Variants in SLC25A48 observed in about 807,000 individuals in gnomAD.
The protein encoded by SLC25A48 is CTC-321K16.1.
In SLC25A48, 29 loss-of-function variants were observed where a neutral mutation model predicts 32.2. The observed-to-expected ratio is 0.90, with a 90% confidence interval of 0.67 to 1.23. SLC25A48 has a LOEUF of 1.23. Among genes scored for constraint, SLC25A48 ranks in the 50% most tolerant of loss-of-function variants. SLC25A48 has a pLI of 0.00. For synonymous variants in SLC25A48, 164 were observed against 172.3 expected (o/e 0.95, Z 0.38); for missense variants, 399 against 422.7 (o/e 0.94, Z 0.49).
chr5:135,821,085 G>A (rs1362206471), intron 4 of SLC25A48, among the ~76,000 whole-genome samples: 3 of 152,178 alleles, frequency 2.0e-5, no homozygotes, highest in Non-Finnish European at 2.9e-5. Context: ...TCCTGTCCCG[G>A]CACTGAGGCT....
intron 4 of SLC25A48, among the ~76,000 whole-genome samples, chr5:135,862,111 G>A (rs969562200): frequency 6.6e-6 from 1 of 152,112 alleles, no homozygotes; most frequent in African/African-American, 2.4e-5. Flanking sequence ...GCCTAACTAG[G>A]TGGCCTGTTG....
At chr5:135,802,984 G>A (rs1448094301) in intron 3 of SLC25A48, 2 of 151,292 alleles carry the variant, frequency 1.3e-5, no homozygotes, top group Non-Finnish European at 3.0e-5. Flanking sequence ...TCACAGTAGG[G>A]TACAACATTG....
intron 4 of SLC25A48, among the ~76,000 whole-genome samples, chr5:135,819,655 T>C (rs2126658687): frequency 6.6e-6 from 1 of 152,322 alleles, no homozygotes; most frequent in South Asian, 2.1e-4. Flanking sequence ...TAAATATTTG[T>C]TATCCTGACC....
chr5:135,599,850 TG>T (rs756354522), intron 1 of SLC25A48, among the ~76,000 whole-genome samples: 2 of 152,224 alleles, frequency 1.3e-5, no homozygotes, highest in Admixed American at 6.5e-5. Context: ...CTCCCAGGCT[TG>T]CCCAGGATGG....
At position 135,609,332 on chromosome 5, in the gene SLC25A48, A is replaced by G. The variant is rs535785017; in HGVS notation, c.-848-19905A>G. 35 of 152,378 alleles carry G rather than the reference A, an allele frequency of 2.3e-4. 1 individual carries two copies. The highest frequency in any genetic ancestry group is 8.2e-4 in the African/African-American group (34 of 41,580). The allele number at this position is 152,378 out of a possible 1,614,324, so 9.4% of individuals were successfully genotyped here. ...GTGGAGGGTGCCAGGAATACAACTG[A>G]CTGAGACAATCATAGCCTTGGCCCT... On this transcript the variant is annotated intron_variant, in intron 1 of 10. Coordinates refer to the SLC25A48 transcript ENST00000646290.
At chr5:135,871,233 T>A (rs947454196) in intron 4 of SLC25A48, among the ~76,000 whole-genome samples, 8 of 152,210 alleles carry the variant, frequency 5.3e-5, no homozygotes, top group Admixed American at 1.3e-4. Flanking sequence ...GTAACTGGTG[T>A]TCTATCACGT....
At chr5:135,785,387 T>C (rs1756812123) in intron 3 of SLC25A48, among the ~76,000 whole-genome samples, 1 of 151,262 alleles carries the variant, frequency 6.6e-6, no homozygotes, top group Admixed American at 6.6e-5. Flanking sequence ...GCTTGCCCTA[T>C]GGATTGTAAT....
intron 3 of SLC25A48, among the ~76,000 whole-genome samples, chr5:135,785,558 G>A (rs974498251): frequency 5.9e-5 from 9 of 151,266 alleles, no homozygotes; most frequent in African/African-American, 1.9e-4. Context: ...ATATCCAGGG[G>A]GGGAGAGGGT....
At chr5:135,713,090 A>G (rs931067413) in intron 3 of SLC25A48, among the ~76,000 whole-genome samples, 1 of 152,216 alleles carries the variant, frequency 6.6e-6, no homozygotes. Flanking sequence ...AGAACTTGCT[A>G]TGCAATATAT....
intron 1 of SLC25A48, among the ~76,000 whole-genome samples, chr5:135,623,709 G>A (rs998586958): frequency 3.9e-5 from 6 of 152,184 alleles, no homozygotes; most frequent in African/African-American, 1.4e-4. Context: ...GCCTTACACA[G>A]AGGAGACACC....
At chr5:135,700,880 A>G (rs56069648) in intron 3 of SLC25A48, among the ~76,000 whole-genome samples, 29,928 of 152,194 alleles carry the variant, frequency 0.2, 3,157 homozygotes, top group Middle Eastern at 0.33. Context: ...CTCTGCTCCC[A>G]GCTGCTAAGG....
intron 3 of SLC25A48, among the ~76,000 whole-genome samples, chr5:135,806,402 T>G (rs1757464577): frequency 6.6e-6 from 1 of 151,446 alleles, no homozygotes; most frequent in African/African-American, 2.4e-5. Flanking sequence ...AGTATTAACA[T>G]TTGTTATTAT....
chr5:135,596,611 T>C (rs979663436), intron 1 of SLC25A48, among the ~76,000 whole-genome samples: 57 of 152,194 alleles, frequency 3.7e-4, no homozygotes, highest in Non-Finnish European at 1.2e-4. Context: ...AGGTGCTCAG[T>C]TGTCCGTGGG....
chr5:135,786,707 G>T lies in SLC25A48; in HGVS notation c.-520-25816G>T, dbSNP rs1254167959. 5.3e-5 allele frequency among the ~76,000 whole-genome samples: 8 copies of T among 151,460 alleles called. No homozygotes were observed. The East Asian group carries it at 1.6e-3, about 30-fold the overall frequency. ...TTCACCATGTGCGTACACCCTCTGT[G>T]ACACTGTTTGTAATATCCTGGCGAG... On this transcript the variant is annotated intron_variant, in intron 3 of 10. Transcript: ENST00000646290.
At position 135,779,069 on chromosome 5, in the gene SLC25A48, C is replaced by T. The variant is rs1009154448; in HGVS notation, c.-520-33454C>T. Among the ~76,000 whole-genome samples the T allele has an allele frequency of 8.6e-5, 13 of 151,732 alleles. No individual in the cohort carries two copies. In the South Asian group the frequency reaches 1.0e-3, roughly 12 times the overall value. ...TTCCAATATCACAGTAGGTGTACAA[C>T]CCCCTGTGATATTTTTCTAATATTT... On this transcript the variant is annotated intron_variant, in intron 3 of 10. Transcript: ENST00000646290.
At chr5:135,874,983 C>T in intron 6 of SLC25A48, 1 of 395,142 alleles carries the variant, frequency 2.5e-6, no homozygotes. Flanking sequence ...GCCTCAGTTT[C>T]TCCCAGAATG....
intron 3 of SLC25A48, among the ~76,000 whole-genome samples, chr5:135,796,009 A>T (rs1232351550): frequency 1.0e-5 from 1 of 96,632 alleles, no homozygotes; most frequent in African/African-American, 4.6e-5. Flanking sequence ...CAGTATCGCG[A>T]GGGGGGGGTG....
intron 3 of SLC25A48, among the ~76,000 whole-genome samples, chr5:135,715,374 C>T (rs1437153961): frequency 6.6e-6 from 1 of 152,156 alleles, no homozygotes; most frequent in Non-Finnish European, 1.5e-5. Flanking sequence ...CCCAGTGGCC[C>T]CAGTCCTAGT....
intron 3 of SLC25A48, among the ~76,000 whole-genome samples, chr5:135,851,536 G>A (rs372880258): frequency 2.1e-4 from 32 of 152,348 alleles, no homozygotes; most frequent in East Asian, 1.9e-3. Context: ...GAAGGATCTT[G>A]TGATGGAAGA....
Sources: allele counts gnomAD v4.1 joint callset (sites outside exome capture counted in the v4.1 genomes callset), GRCh38; gene constraint gnomAD v4.1.1; transcripts MANE v1.5; gene names NCBI Gene and HGNC (gene_info 2026-07-23, HGNC 2026-07-21).